The following DMRT1 variants were observed in gnomAD, a reference collection of about 807,000 sequenced individuals.
The protein encoded by DMRT1 is doublesex- and mab-3-related transcription factor 1.
In DMRT1, 7 loss-of-function variants were observed where a neutral mutation model predicts 32.3. The ratio of observed to expected loss-of-function variants is 0.22; its 90% CI spans 0.12 to 0.41. DMRT1 has a LOEUF of 0.41. Ranked by LOEUF, DMRT1 falls within the 10% of genes least tolerant of loss-of-function variation. DMRT1 has a pLI of 1.00. For missense variants in DMRT1, 625 were observed against 500.5 expected (o/e 1.25, Z -2.37); for synonymous variants, 278 against 206.1 (o/e 1.35, Z -2.99).
chr9:900,881 G>C (rs1817546869), intron 3 of DMRT1, among the ~76,000 whole-genome samples: 1 of 151,880 alleles, frequency 6.6e-6, no homozygotes, highest in African/African-American at 2.4e-5. Context: ...TTGTAGAGAT[G>C]GGGGTCTCAG....
At chr9:854,345 C>T (rs781010313) in intron 2 of DMRT1, among the ~76,000 whole-genome samples, 16 of 151,878 alleles carry the variant, frequency 1.1e-4, no homozygotes, top group Admixed American at 6.6e-4. Context: ...AGTGCAGTGG[C>T]GTGATCTTGA....
intron 2 of DMRT1, among the ~76,000 whole-genome samples, chr9:865,373 ATATC>A (rs1269101200): frequency 5.3e-5 from 8 of 152,162 alleles, no homozygotes; most frequent in Non-Finnish European, 4.4e-5. Flanking sequence ...TAAAATAATA[ATATC>A]TATCTAGGAT....
rs566514365 is a variant in DMRT1, at chr9:861,313, G to T, written c.538+14170G>T. On this transcript the variant is annotated intron_variant, in intron 2 of 4. Coordinates refer to ENST00000382276, the MANE Select transcript of DMRT1 (RefSeq NM_021951.3). ...TCAAGTATCTGTTTAACAAAGCACA[G>T]TTTGCACCGCCCTTAATCCATTTAA... Among the ~76,000 whole-genome samples, 572 of 152,236 alleles carry T rather than the reference G, an allele frequency of 3.8e-3. 11 individuals are homozygous for T. The highest frequency in any genetic ancestry group is 0.032 in the Admixed American group (483 of 15,306).
rs540466954 is a variant in DMRT1, at chr9:888,520, G to A, written c.539-5392G>A. On this transcript the variant is annotated intron_variant, in intron 2 of 4. Coordinates refer to ENST00000382276, the MANE Select transcript of DMRT1 (RefSeq NM_021951.3). The stretch of plus-strand genomic sequence containing the variant: ...GGTTTTGTTTGCCCAGGTTGGTCTC[G>A]AACTCCTGGGCTCAAGTGAACCTTG... 7.9e-5 allele frequency among the ~76,000 whole-genome samples: 12 copies of A among 152,096 alleles called. No individual in the cohort carries two copies. The South Asian group carries it at 2.1e-3, about 26-fold the overall frequency.
At chr9:918,318 T>G (rs577984805) in intron 4 of DMRT1, among the ~76,000 whole-genome samples, 100 of 152,248 alleles carry the variant, frequency 6.6e-4, no homozygotes, top group Non-Finnish European at 2.1e-4. Context: ...AGAAATTGCC[T>G]GAGCTTCTTA....
intron 2 of DMRT1, among the ~76,000 whole-genome samples, chr9:872,211 G>A (rs1424043817): frequency 3.3e-5 from 5 of 151,148 alleles, no homozygotes; most frequent in African/African-American, 4.9e-5. Context: ...ACAGGCGCCC[G>A]CCACCATGCC....
chr9:923,726 A>AT (rs1463788839), intron 4 of DMRT1, among the ~76,000 whole-genome samples: 3 of 152,128 alleles, frequency 2.0e-5, no homozygotes, highest in African/African-American at 7.2e-5. Context: ...CCTGAGCTGT[A>AT]TTTCTCAGCC....
rs115235575 is a variant in DMRT1 at position 919,926 on chromosome 9, G to T, written c.967+3019G>T. Among the ~76,000 whole-genome samples the T allele has an allele frequency of 8.8e-3, 1,344 of 152,238 alleles. 19 individuals carry two copies. The highest frequency in any genetic ancestry group is 0.03 in the African/African-American group (1,253 of 41,526). ...AGTGAAGGATGACTCCTTAATTTTT[G>T]ACCTGACCAATTGGTATTTTGATTT... On this transcript the variant is annotated intron_variant, in intron 4 of 4. Coordinates refer to ENST00000382276, the MANE Select transcript of DMRT1 (RefSeq NM_021951.3).
At chr9:876,887 A>G (rs1816524480) in intron 2 of DMRT1, among the ~76,000 whole-genome samples, 1 of 143,358 alleles carries the variant, frequency 7.0e-6, no homozygotes, top group African/African-American at 2.8e-5. Context: ...TCCCCTTCTG[A>G]CACGGCATGG....
chr9:958,711 A>G (rs1351721523), intron 4 of DMRT1, among the ~76,000 whole-genome samples: 5 of 152,350 alleles, frequency 3.3e-5, no homozygotes, highest in African/African-American at 1.2e-4. Context: ...CCATATAGCT[A>G]AAGATGCACA....
At chr9:904,262 T>A (rs1454578764) in intron 3 of DMRT1, among the ~76,000 whole-genome samples, 1 of 152,260 alleles carries the variant, frequency 6.6e-6, no homozygotes, top group Non-Finnish European at 1.5e-5. Context: ...TTTGCCCTTT[T>A]AGCTTACTTT....
intron 4 of DMRT1, among the ~76,000 whole-genome samples, chr9:938,362 G>C (rs1363643881): frequency 2.0e-5 from 3 of 152,094 alleles, no homozygotes; most frequent in African/African-American, 7.2e-5. Flanking sequence ...GATTGTTTTG[G>C]GTACTATTGT....
At chr9:864,475 G>A (rs905427260) in intron 2 of DMRT1, among the ~76,000 whole-genome samples, 2 of 146,716 alleles carry the variant, frequency 1.4e-5, no homozygotes, top group East Asian at 2.0e-4. Context: ...TTACAGGCGT[G>A]AGCCACCATG....
intron 3 of DMRT1, among the ~76,000 whole-genome samples, chr9:914,595 A>AAAAG (rs1454864649): frequency 3.3e-5 from 5 of 151,188 alleles, no homozygotes; most frequent in Admixed American, 3.3e-4. Context: ...AAAAAAAAAA[A>AAAAG]AGATTTAATG....
chr9:897,090 A>ATAT (rs35331172), intron 3 of DMRT1, among the ~76,000 whole-genome samples: 12,186 of 141,054 alleles, frequency 0.086, 801 homozygotes, highest in African/African-American at 0.2. Flanking sequence ...TTTTGGAATC[A>ATAT]TATTATTATT....
At chr9:848,749 T>C (rs1839012906) in intron 2 of DMRT1, among the ~76,000 whole-genome samples, 1 of 148,280 alleles carries the variant, frequency 6.7e-6, no homozygotes, top group African/African-American at 2.5e-5. Flanking sequence ...AAGATGGAGT[T>C]TCACCATGTT....
chr9:898,214 G>C (rs1207178585), intron 3 of DMRT1, among the ~76,000 whole-genome samples: 1 of 151,834 alleles, frequency 6.6e-6, no homozygotes, highest in Non-Finnish European at 1.5e-5. Context: ...CCACCTCCCA[G>C]GTTCAAGTGA....
intron 2 of DMRT1, among the ~76,000 whole-genome samples, chr9:883,484 T>G (rs1816810604): frequency 6.6e-6 from 1 of 151,814 alleles, no homozygotes; most frequent in South Asian, 2.1e-4. Flanking sequence ...AAAAATGCAT[T>G]AACTCCCCCG....
At chr9:938,731 T>G (rs1818966720) in intron 4 of DMRT1, among the ~76,000 whole-genome samples, 1 of 152,216 alleles carries the variant, frequency 6.6e-6, no homozygotes, top group African/African-American at 2.4e-5. Context: ...TTTGGGTGCT[T>G]TATTTCTAGT....
Sources: gnomAD v4.1 joint callset for allele counts (sites outside exome capture counted in the v4.1 genomes callset) on GRCh38, gnomAD v4.1.1 for gene constraint, MANE v1.5 for transcripts, NCBI Gene and HGNC (gene_info 2026-07-23, HGNC 2026-07-21) for gene names.